The following RGS5 variants were observed in gnomAD, a reference collection of about 807,000 sequenced individuals.
RGS5 encodes the protein regulator of G protein signaling 5, also known as regulator of G-protein signalling 5.
Under a neutral mutation model 18.9 loss-of-function variants are expected in RGS5, and 20 were observed. That is an observed-to-expected ratio of 1.06 (90% confidence interval 0.74 to 1.54). RGS5 has a LOEUF of 1.54. Ranked by LOEUF, RGS5 falls within the 40% of genes most tolerant of loss-of-function variation. The pLI, the probability that RGS5 is intolerant of heterozygous loss-of-function variation, is 0.00. For missense variants in RGS5, 201 were observed against 211.8 expected (o/e 0.95, Z 0.32); for synonymous variants, 57 against 76.2 (o/e 0.75, Z 1.31).
chr1:163,186,036 T>C (rs894995326), intron 1 of RGS5, among the ~76,000 whole-genome samples: 2 of 151,898 alleles, frequency 1.3e-5, no homozygotes, highest in Non-Finnish European at 2.9e-5. Context: ...CTGGCAGTTA[T>C]ATGCATCTGG....
intron 2 of RGS5, among the ~76,000 whole-genome samples, chr1:163,162,536 G>A (rs533498506): frequency 4.3e-5 from 6 of 140,962 alleles, no homozygotes; most frequent in African/African-American, 1.5e-4. Context: ...AAACGTAGGC[G>A]CATTTTTCCT....
At chr1:163,266,855 T>A (rs1273590140) in intron 2 of RGS5, among the ~76,000 whole-genome samples, 1 of 152,116 alleles carries the variant, frequency 6.6e-6, no homozygotes, top group Non-Finnish European at 1.5e-5. Flanking sequence ...AATACCTAGT[T>A]CTCAATAAGC....
At chr1:163,267,361 T>C (rs1648596592) in intron 2 of RGS5, 1 of 152,128 alleles carries the variant, frequency 6.6e-6, no homozygotes, top group Non-Finnish European at 1.5e-5. Flanking sequence ...AGTAAATGTA[T>C]GTTGGTTAAG....
At chr1:163,174,828 T>C (rs574568080) in intron 1 of RGS5, among the ~76,000 whole-genome samples, 44 of 152,260 alleles carry the variant, frequency 2.9e-4, no homozygotes, top group Non-Finnish European at 5.7e-4. Context: ...GGTTTCGCTG[T>C]AGACGCCAGA....
intron 1 of RGS5, among the ~76,000 whole-genome samples, chr1:163,208,367 A>AC (rs1660004617): frequency 6.8e-6 from 1 of 147,988 alleles, no homozygotes; most frequent in East Asian, 2.0e-4. Flanking sequence ...AAAAAAAAAA[A>AC]AAAAGGAAAA....
At chr1:163,214,954 C>A (rs919121549) in intron 1 of RGS5, among the ~76,000 whole-genome samples, 2 of 152,170 alleles carry the variant, frequency 1.3e-5, no homozygotes, top group Admixed American at 6.5e-5. Flanking sequence ...TCCCTAGACA[C>A]ACTTTCTTCC....
chr1:163,262,335 G>C (rs1648466345), intron 2 of RGS5, among the ~76,000 whole-genome samples: 1 of 91,608 alleles, frequency 1.1e-5, no homozygotes, highest in African/African-American at 4.2e-5. Context: ...AGTCCCCAGA[G>C]TGTGATATTC....
intron 4 of RGS5, 90 bp downstream of exon 4, chr1:163,152,460 G>A (rs1337676436): frequency 7.4e-7 from 1 of 1,356,160 alleles, no homozygotes; most frequent in Non-Finnish European, 1.0e-6. Context: ...ATAGCCTTTG[G>A]CTCCCAACGG....
At chr1:163,310,239 T>C (rs754840055) in intron 1 of RGS5, among the ~76,000 whole-genome samples, 4 of 152,164 alleles carry the variant, frequency 2.6e-5, no homozygotes, top group Admixed American at 6.5e-5. Flanking sequence ...CAAGAGTCAT[T>C]CTGTCCTTTG....
chr1:163,317,165 T>C (rs1650049629), intron 1 of RGS5, among the ~76,000 whole-genome samples: 2 of 152,148 alleles, frequency 1.3e-5, no homozygotes, highest in Non-Finnish European at 2.9e-5. Flanking sequence ...TAAAACTGAA[T>C]CACCAGTTAC....
intron 2 of RGS5, among the ~76,000 whole-genome samples, chr1:163,280,720 C>T (rs992580102): frequency 3.3e-5 from 5 of 151,634 alleles, no homozygotes; most frequent in Non-Finnish European, 7.4e-5. Context: ...GCAATTCCTA[C>T]CCAAAGTAAT....
intron 2 of RGS5, among the ~76,000 whole-genome samples, chr1:163,272,542 T>A (rs971279601): frequency 6.6e-6 from 1 of 152,148 alleles, no homozygotes; most frequent in African/African-American, 2.4e-5. Context: ...TAGATTTAAC[T>A]TTTATATTTA....
chr1:163,162,353 C>A (rs112512761), intron 2 of RGS5, among the ~76,000 whole-genome samples: 1,965 of 152,226 alleles, frequency 0.013, 31 homozygotes, highest in African/African-American at 0.045. Flanking sequence ...AGAGATTGAA[C>A]TCCTGTTCTC....
chr1:163,172,920 T>A (rs1018225024), intron 1 of RGS5, among the ~76,000 whole-genome samples: 4 of 152,178 alleles, frequency 2.6e-5, no homozygotes, highest in Non-Finnish European at 5.9e-5. Flanking sequence ...TATTATTTCA[T>A]CCCCCGTTTC....
chr1:163,276,489 T>C (rs1648859163), intron 2 of RGS5, among the ~76,000 whole-genome samples: 1 of 152,246 alleles, frequency 6.6e-6, no homozygotes, highest in African/African-American at 2.4e-5. Context: ...ATCTAATTGC[T>C]ATAAGTCTGT....
At chr1:163,311,431 G>A (rs1649859494) in intron 1 of RGS5, among the ~76,000 whole-genome samples, 1 of 152,190 alleles carries the variant, frequency 6.6e-6, no homozygotes. Context: ...TGGCACAAGA[G>A]GCCTAGCTTT....
At chr1:163,305,715 C>T (rs1352379496) in intron 2 of RGS5, among the ~76,000 whole-genome samples, 1 of 152,190 alleles carries the variant, frequency 6.6e-6, no homozygotes, top group Non-Finnish European at 1.5e-5. Context: ...AGTGGGCCTG[C>T]AGGTTCTACA....
Position 163,152,734 on chromosome 1 carries a change from G to A in RGS5, c.218-18C>T, listed in dbSNP as rs566938958. 2.6e-6 allele frequency: 4 copies of A among 1,561,856 alleles called. No homozygotes were observed. The African/African-American group carries it at 4.1e-5, about 16-fold the overall frequency. On this transcript the variant is annotated intron_variant, in intron 3 of 4. Coordinates refer to ENST00000313961, the MANE Select transcript of RGS5 (RefSeq NM_003617.4). ...AAGTCCATCTGGAAAGAAAAAAACAGTCAGCTGGAGAAATTTATTAATTTA... is the reference window on the plus strand; with the variant it reads ...AAGTCCATCTGGAAAGAAAAAAACAATCAGCTGGAGAAATTTATTAATTTA...
intron 1 of RGS5, among the ~76,000 whole-genome samples, chr1:163,215,595 C>T (rs950409743): frequency 1.3e-5 from 2 of 152,158 alleles, no homozygotes; most frequent in African/African-American, 4.8e-5. Flanking sequence ...AAGAATAGTA[C>T]CTTTACCCAA....
Sources: gnomAD v4.1 joint callset for allele counts (sites outside exome capture counted in the v4.1 genomes callset) on GRCh38, gnomAD v4.1.1 for gene constraint, MANE v1.5 for transcripts, NCBI Gene and HGNC (gene_info 2026-07-23, HGNC 2026-07-21) for gene names.